The following OR52N2 variants were observed in gnomAD, a reference collection of about 807,000 sequenced individuals.
The protein encoded by OR52N2 is olfactory receptor family 52 subfamily N member 2.
For synonymous variants in OR52N2, 129 were observed against 72.0 expected (o/e 1.79, Z -4.01); for missense variants, 326 against 196.6 (o/e 1.66, Z -3.94).
chr11:5,809,658 A>C (rs1348891445), intron 1 of OR52N2, among the ~76,000 whole-genome samples: 1 of 152,188 alleles, frequency 6.6e-6, no homozygotes, highest in African/African-American at 2.4e-5. Context: ...TCAAAAAAAA[A>C]AAAAAAGTAA....
chr11:5,816,101 T>C (rs1846402294), intron 1 of OR52N2, among the ~76,000 whole-genome samples: 1 of 152,114 alleles, frequency 6.6e-6, no homozygotes, highest in South Asian at 2.1e-4. Context: ...TGATTCCATT[T>C]ATATAAAGTA....
intron 1 of OR52N2, among the ~76,000 whole-genome samples, chr11:5,812,452 G>A (rs1170886981): frequency 7.6e-6 from 1 of 131,688 alleles, no homozygotes; most frequent in Non-Finnish European, 1.5e-5. Context: ...CCGAGATCCT[G>A]CCACTGCACT....
rs576354479 is a variant in OR52N2, at chr11:5,814,180, A to C, written c.-55+5126A>C. 3.3e-5 allele frequency among the ~76,000 whole-genome samples: 5 copies of C among 152,290 alleles called. No individual in the cohort carries two copies. The South Asian group carries it at 1.0e-3, about 32-fold the overall frequency. ...CAGAGCAATTAGGCAAGGACAAGAA[A>C]TAAAAGGCCTCTCAATTGAAAAAGA... On this transcript the variant is annotated intron_variant, in intron 1 of 1. Transcript: ENST00000317037.
At chr11:5,818,154 C>A (rs1006413861) in intron 1 of OR52N2, among the ~76,000 whole-genome samples, 2 of 152,054 alleles carry the variant, frequency 1.3e-5, no homozygotes, top group Non-Finnish European at 2.9e-5. Flanking sequence ...TGATTTTCAA[C>A]TCTTTATTAT....
intron 1 of OR52N2, among the ~76,000 whole-genome samples, chr11:5,815,737 G>A (rs61679778): frequency 0.099 from 15,096 of 151,968 alleles, 1,166 homozygotes; most frequent in African/African-American, 0.22. Flanking sequence ...GAGATCCCCA[G>A]GAGAATTGAA....
Position 5,820,388 on chromosome 11 carries a change from G to T in OR52N2, c.53G>T (p.Gly18Val). 1 of 780,864 alleles carries T rather than the reference G, an allele frequency of 1.3e-6. No homozygotes were observed. The highest frequency in any genetic ancestry group is 1.3e-5 in the South Asian group (1 of 74,588). The allele number at this position is 780,864 out of a possible 1,614,324, so 48.4% of individuals were successfully genotyped here. A position where few individuals can be genotyped will look rare whatever the true frequency, so the allele number is the denominator to read the frequency against. ...SLTPGFFILNGVPGLEATHIW... is the reference protein window; with the variant it reads ...SLTPGFFILNVVPGLEATHIW... ...ACCCCAGGATTCTTTATCTTGAATG[G>T]CGTTCCTGGGCTGGAAGCCACACAC... Residue 18 changes from glycine to valine, a missense_variant, in exon 2 of 2, where the codon GGC becomes GTC. Transcript: ENST00000317037.
chr11:5,811,533 G>C (rs950040550), intron 1 of OR52N2, among the ~76,000 whole-genome samples: 1 of 152,058 alleles, frequency 6.6e-6, no homozygotes, highest in African/African-American at 2.4e-5. Context: ...TTTTATGTAA[G>C]ACTTGAGGTA....
At chr11:5,816,798 G>C (rs1846408395) in intron 1 of OR52N2, among the ~76,000 whole-genome samples, 1 of 152,134 alleles carries the variant, frequency 6.6e-6, no homozygotes, top group African/African-American at 2.4e-5. Flanking sequence ...TTATAGGTGT[G>C]AGCCACTGCG....
At position 5,820,458 on chromosome 11, in the gene OR52N2, C is replaced by G; in HGVS notation, c.123C>G (p.Val41=). ...TCTGCTTTATGTACATCATTGCTGT[C>G]GTGGGGAACTGTGGGCTCATCTGCC... ...LPFCFMYIIA[V]VGNCGLICLI... The change falls in exon 2 of 2, where the codon GTC becomes GTG. Residue 41 remains valine, a synonymous_variant. Coordinates refer to ENST00000317037, the MANE Select transcript of OR52N2 (RefSeq NM_001005174.3). 4 of 780,084 alleles carry G rather than the reference C, an allele frequency of 5.1e-6. No individual in the cohort carries two copies. Among genetic ancestry groups the G allele is most frequent in the South Asian group, 4.0e-5 (3 of 74,448 alleles). The allele number at this position is 780,084 out of a possible 1,614,324, so 48.3% of individuals were successfully genotyped here.
At chr11:5,819,863 C>T (rs1424732459) in intron 1 of OR52N2, among the ~76,000 whole-genome samples, 1 of 152,154 alleles carries the variant, frequency 6.6e-6, no homozygotes, top group Non-Finnish European at 1.5e-5. Context: ...CTGATAAGAA[C>T]TGGTCATATT....
intron 1 of OR52N2, among the ~76,000 whole-genome samples, chr11:5,809,458 CG>C (rs1277913386): frequency 6.6e-6 from 1 of 151,988 alleles, no homozygotes; most frequent in Non-Finnish European, 1.5e-5. Flanking sequence ...GTGCAGTTTC[CG>C]GGGAACAATG....
At chr11:5,810,865 C>T (rs1022755407) in intron 1 of OR52N2, among the ~76,000 whole-genome samples, 1 of 151,772 alleles carries the variant, frequency 6.6e-6, no homozygotes, top group Admixed American at 6.6e-5. Context: ...CCTATGATGT[C>T]AGGTAATTTC....
chr11:5,820,447 A>C lies in OR52N2; in HGVS notation c.112A>C (p.Ile38Leu). 1.3e-6 allele frequency: 1 copy of C among 780,554 alleles called. No homozygotes were observed. The allele number at this position is 780,554 out of a possible 1,614,324, so 48.4% of individuals were successfully genotyped here. A position where few individuals can be genotyped will look rare whatever the true frequency, so the allele number is the denominator to read the frequency against. ...CTCCCTGCCATTCTGCTTTATGTAC[A>C]TCATTGCTGTCGTGGGGAACTGTGG... is the stretch of plus-strand genomic sequence containing the variant. The part of the protein sequence containing the change: ...WISLPFCFMY[I>L]IAVVGNCGLI... The change falls in exon 2 of 2, where the codon ATC becomes CTC. Residue 38 changes from isoleucine (I) to leucine (L), a missense_variant. Coordinates refer to ENST00000317037, the MANE Select transcript of OR52N2 (RefSeq NM_001005174.3).
chr11:5,816,086 T>C (rs558280705), intron 1 of OR52N2, among the ~76,000 whole-genome samples: 5,997 of 152,188 alleles, frequency 0.039, 168 homozygotes, highest in Non-Finnish European at 0.062. Context: ...AAGACAAATA[T>C]CATATGATTC....
intron 1 of OR52N2, among the ~76,000 whole-genome samples, chr11:5,818,550 G>A (rs1166055121): frequency 6.6e-6 from 1 of 152,110 alleles, no homozygotes; most frequent in Non-Finnish European, 1.5e-5. Flanking sequence ...AGGTGAGATT[G>A]GTCAATTTTC....
intron 1 of OR52N2, among the ~76,000 whole-genome samples, chr11:5,810,806 G>A (rs1479491166): frequency 6.6e-6 from 1 of 151,932 alleles, no homozygotes; most frequent in South Asian, 2.1e-4. Context: ...TTACCTTTTT[G>A]TTGTTTTGTT....
intron 1 of OR52N2, among the ~76,000 whole-genome samples, chr11:5,813,893 C>T (rs193268698): frequency 6.6e-6 from 1 of 152,112 alleles, no homozygotes; most frequent in Non-Finnish European, 1.5e-5. Context: ...TGCAACACAC[C>T]TCATTAACAG....
chr11:5,816,306 T>G (rs116062102), intron 1 of OR52N2, among the ~76,000 whole-genome samples: 1 of 152,196 alleles, frequency 6.6e-6, no homozygotes, highest in African/African-American at 2.4e-5. Context: ...TGTATATACC[T>G]GAACATGATT....
intron 1 of OR52N2, among the ~76,000 whole-genome samples, chr11:5,812,598 T>C (rs1846372899): frequency 6.6e-6 from 1 of 151,784 alleles, no homozygotes; most frequent in Admixed American, 6.6e-5. Flanking sequence ...CATTAACCAT[T>C]GTAAATATAT....
Sources: gnomAD v4.1 joint callset for allele counts (sites outside exome capture counted in the v4.1 genomes callset) on GRCh38, gnomAD v4.1.1 for gene constraint, MANE v1.5 for transcripts, NCBI Gene and HGNC (gene_info 2026-07-23, HGNC 2026-07-21) for gene names.